Variants in CCSER1 observed in about 807,000 individuals in gnomAD.
The protein encoded by CCSER1 is coiled-coil serine rich protein 1, also known as serine-rich coiled-coil domain-containing protein 1.
In CCSER1, 41 loss-of-function variants were observed where a neutral mutation model predicts 82.0. That is an observed-to-expected ratio of 0.50 (90% confidence interval 0.39 to 0.65). The LOEUF (loss-of-function observed/expected upper bound fraction) is 0.65. Among genes scored for constraint, CCSER1 ranks in the 30% least tolerant of loss-of-function variants. The probability of loss-of-function intolerance (pLI) is 0.00; values close to 1 mark genes in which losing one functional copy is unlikely to be tolerated. For synonymous variants in CCSER1, 414 were observed against 383.9 expected, an observed-to-expected ratio of 1.08 and a Z score of -0.92; for missense variants, 1,119 against 1,064.2, an observed-to-expected ratio of 1.05 and a Z score of -0.72.
At chr4:90,405,489 C>T (rs1753580809) in intron 4 of CCSER1, among the ~76,000 whole-genome samples, 2 of 152,076 alleles carry the variant, frequency 1.3e-5, no homozygotes, top group Middle Eastern at 3.2e-3. Context: ...ACCTATACAT[C>T]TAAATTCAAG....
intron 10 of CCSER1, among the ~76,000 whole-genome samples, chr4:91,470,766 T>C (rs1757231074): frequency 6.6e-6 from 1 of 152,184 alleles, no homozygotes; most frequent in Non-Finnish European, 1.5e-5. Flanking sequence ...AGTAAATCCT[T>C]GATTTTTGGA....
intron 5 of CCSER1, among the ~76,000 whole-genome samples, chr4:90,535,708 T>C (rs192276655): frequency 1.3e-5 from 2 of 152,262 alleles, no homozygotes; most frequent in Non-Finnish European, 2.9e-5. Context: ...AGTAGTTCAA[T>C]AAATATCACT....
At chr4:90,323,551 C>G (rs1244836995) in intron 3 of CCSER1, among the ~76,000 whole-genome samples, 1 of 152,214 alleles carries the variant, frequency 6.6e-6, no homozygotes, top group Non-Finnish European at 1.5e-5. Flanking sequence ...CAATGCAAAG[C>G]CTCACAATCA....
intron 10 of CCSER1, among the ~76,000 whole-genome samples, chr4:91,549,566 G>T (rs1762062521): frequency 6.6e-6 from 1 of 152,102 alleles, no homozygotes; most frequent in Admixed American, 6.5e-5. Context: ...GCCAGGCAAG[G>T]TGGCTCAAGT....
At chr4:91,284,484 A>C (rs1306703911) in intron 10 of CCSER1, among the ~76,000 whole-genome samples, 1 of 152,080 alleles carries the variant, frequency 6.6e-6, no homozygotes, top group Non-Finnish European at 1.5e-5. Context: ...AGATACCTGC[A>C]TTTCAGTTCG....
intron 1 of CCSER1, among the ~76,000 whole-genome samples, chr4:90,159,638 C>T (rs1729055744): frequency 6.6e-6 from 1 of 152,284 alleles, no homozygotes; most frequent in East Asian, 1.9e-4. Context: ...AGCTTTTTAT[C>T]TTGCAGGTAA....
At chr4:90,369,911 T>G (rs1186835046) in intron 3 of CCSER1, among the ~76,000 whole-genome samples, 1 of 152,108 alleles carries the variant, frequency 6.6e-6, no homozygotes, top group African/African-American at 2.4e-5. Context: ...ACTTTTCAGT[T>G]TATTAGATGA....
intron 10 of CCSER1, among the ~76,000 whole-genome samples, chr4:91,256,769 T>G (rs1740722263): frequency 6.6e-6 from 1 of 152,194 alleles, no homozygotes. Context: ...TGTTAATTAG[T>G]GAAATAATCA....
chr4:91,051,837 A>C (rs1223372288), intron 9 of CCSER1, among the ~76,000 whole-genome samples: 1 of 152,140 alleles, frequency 6.6e-6, no homozygotes, highest in Non-Finnish European at 1.5e-5. Context: ...ATTGTGTACA[A>C]ATATTCAAAG....
chr4:91,241,568 C>T (rs1006052586), intron 10 of CCSER1, among the ~76,000 whole-genome samples: 2 of 151,616 alleles, frequency 1.3e-5, no homozygotes, highest in Non-Finnish European at 2.9e-5. Context: ...CCTCTTGATC[C>T]ACCCGCCTCA....
chr4:90,746,400 T>C (rs1332728739), intron 7 of CCSER1, among the ~76,000 whole-genome samples: 1 of 152,210 alleles, frequency 6.6e-6, no homozygotes, highest in African/African-American at 2.4e-5. Flanking sequence ...AATATCCATT[T>C]AATAAAATTA....
intron 1 of CCSER1, among the ~76,000 whole-genome samples, chr4:90,189,602 T>C (rs1415594508): frequency 1.3e-5 from 2 of 151,926 alleles, no homozygotes; most frequent in Admixed American, 6.6e-5. Context: ...TTGTGTTTAA[T>C]ATTCGTAATG....
chr4:90,369,021 A>C (rs1252608292), intron 3 of CCSER1, among the ~76,000 whole-genome samples: 1 of 151,966 alleles, frequency 6.6e-6, no homozygotes, highest in Non-Finnish European at 1.5e-5. Context: ...ATTGAATGCC[A>C]AAGAAATAAA....
chr4:91,007,247 T>C (rs1420678836), intron 9 of CCSER1, among the ~76,000 whole-genome samples: 2 of 152,202 alleles, frequency 1.3e-5, no homozygotes, highest in Non-Finnish European at 2.9e-5. Flanking sequence ...GACCTATAAT[T>C]TTCTTGCTTT....
chr4:90,537,146 GTTGTC>G (rs1775503556), intron 5 of CCSER1, among the ~76,000 whole-genome samples: 1 of 152,116 alleles, frequency 6.6e-6, no homozygotes, highest in Admixed American at 6.5e-5. Context: ...AGTTTAGATT[GTTGTC>G]TTGTTCTTTC....
chr4:91,208,442 A>G (rs1039307073), intron 10 of CCSER1, among the ~76,000 whole-genome samples: 1 of 151,806 alleles, frequency 6.6e-6, no homozygotes, highest in African/African-American at 2.4e-5. Flanking sequence ...ACTCTTCTAC[A>G]TATGATAGCC....
chr4:90,612,970 C>T (rs1720534751), intron 5 of CCSER1, among the ~76,000 whole-genome samples: 1 of 151,950 alleles, frequency 6.6e-6, no homozygotes, highest in South Asian at 2.1e-4. Flanking sequence ...AATACAGCAA[C>T]CCAATAATGA....
At chr4:91,162,274 ATGAAGTCGACTTCAT>A (rs1731499832) in intron 10 of CCSER1, among the ~76,000 whole-genome samples, 1 of 152,172 alleles carries the variant, frequency 6.6e-6, no homozygotes, top group African/African-American at 2.4e-5. Context: ...CATCCCAGGG[ATGAAGTCGACTTCAT>A]AGTGGTGGAT....
At chr4:90,827,256 C>T (rs1374054805) in intron 8 of CCSER1, among the ~76,000 whole-genome samples, 1 of 152,152 alleles carries the variant, frequency 6.6e-6, no homozygotes, top group African/African-American at 2.4e-5. Context: ...ACTGTCATGG[C>T]ACTGATGGGA....
Sources: gnomAD v4.1 joint callset for allele counts (sites outside exome capture counted in the v4.1 genomes callset) on GRCh38, gnomAD v4.1.1 for gene constraint, MANE v1.5 for transcripts, NCBI Gene and HGNC (gene_info 2026-07-23, HGNC 2026-07-21) for gene names.